The following ATOSA variants were observed in gnomAD, a reference collection of about 807,000 sequenced individuals.
ATOSA encodes atos homolog protein A.
the ATOSA span, among the ~76,000 whole-genome samples, chr15:52,634,329 G>A: frequency 6.6e-6 from 1 of 152,044 alleles, no homozygotes. Context: ...TACTTGGGAG[G>A]CTGAGACAGA....
the ATOSA span, among the ~76,000 whole-genome samples, chr15:52,695,206 T>C: frequency 1.3e-5 from 2 of 152,208 alleles, no homozygotes; most frequent in African/African-American, 4.8e-5. Flanking sequence ...ATTACAGATG[T>C]GAGCCACCAT....
chr15:52,609,685 C>T, the ATOSA span: 116 of 1,613,582 alleles, frequency 7.2e-5, no homozygotes, highest in East Asian at 2.4e-3. Context: ...TTGTGAAACC[C>T]GGAAAAGTTT....
the ATOSA span, among the ~76,000 whole-genome samples, chr15:52,607,875 G>GT: frequency 2.0e-5 from 3 of 151,950 alleles, no homozygotes; most frequent in African/African-American, 7.3e-5. Flanking sequence ...TGGTTGGTTG[G>GT]TTTTTTTCTG....
the ATOSA span, among the ~76,000 whole-genome samples, chr15:52,607,826 A>C: frequency 6.6e-6 from 1 of 152,186 alleles, no homozygotes; most frequent in Non-Finnish European, 1.5e-5. Flanking sequence ...TTCTCTTGAA[A>C]TTACAAATCA....
At chr15:52,584,685 A>G in the ATOSA span, 1 of 1,483,708 alleles carries the variant, frequency 6.7e-7, no homozygotes, top group East Asian at 2.4e-5. Flanking sequence ...TTTAAAAAAA[A>G]AAACTAAAAA....
chr15:52,586,375 T>G, the ATOSA span: 1 of 152,176 alleles, frequency 6.6e-6, no homozygotes. Flanking sequence ...GTAAAAGTGA[T>G]CTGACAAAGT....
the ATOSA span, among the ~76,000 whole-genome samples, chr15:52,615,334 T>C: frequency 1.3e-5 from 2 of 152,240 alleles, no homozygotes; most frequent in African/African-American, 4.8e-5. Context: ...AAGTTGAACA[T>C]TCATACACAA....
the ATOSA span, among the ~76,000 whole-genome samples, chr15:52,681,378 G>A: frequency 2.6e-5 from 4 of 152,136 alleles, no homozygotes; most frequent in Non-Finnish European, 5.9e-5. Context: ...TACTTTCAAG[G>A]AGCTTATAGT....
chr15:52,689,146 C>T, the ATOSA span, among the ~76,000 whole-genome samples: 3 of 152,016 alleles, frequency 2.0e-5, no homozygotes, highest in Non-Finnish European at 4.4e-5. Flanking sequence ...CGGTGTGTGC[C>T]AGCAAAATCC....
At chr15:52,679,987 C>G in the ATOSA span, among the ~76,000 whole-genome samples, 1 of 151,258 alleles carries the variant, frequency 6.6e-6, no homozygotes, top group African/African-American at 2.4e-5. Context: ...CCACCCCCAC[C>G]CTAGATTTTC....
the ATOSA span, among the ~76,000 whole-genome samples, chr15:52,708,703 G>T: frequency 6.6e-6 from 1 of 151,580 alleles, no homozygotes; most frequent in Admixed American, 6.6e-5. Context: ...GTTCCAGTTG[G>T]TCAAAAACAA....
the ATOSA span, among the ~76,000 whole-genome samples, chr15:52,616,500 G>C: frequency 2.0e-5 from 3 of 152,290 alleles, no homozygotes; most frequent in Admixed American, 1.3e-4. Flanking sequence ...TTGGGAGGCT[G>C]AGGCAAGAGA....
chr15:52,649,836 T>C, the ATOSA span: 2 of 152,168 alleles, frequency 1.3e-5, no homozygotes, highest in African/African-American at 4.8e-5. Flanking sequence ...ATATAAAACA[T>C]TTTTAGGTGC....
the ATOSA span, chr15:52,658,755 A>T: frequency 3.0e-6 from 1 of 335,786 alleles, no homozygotes. Flanking sequence ...GCTTGAGGAC[A>T]TGAGTTTAAG....
the ATOSA span, among the ~76,000 whole-genome samples, chr15:52,599,040 G>A: frequency 6.6e-6 from 1 of 152,178 alleles, no homozygotes; most frequent in African/African-American, 2.4e-5. Flanking sequence ...CATGCTTCAT[G>A]TAAAGCCTGC....
the ATOSA span, among the ~76,000 whole-genome samples, chr15:52,635,163 G>T: frequency 1.3e-5 from 2 of 152,108 alleles, no homozygotes; most frequent in Non-Finnish European, 2.9e-5. Flanking sequence ...AAGACCAATG[G>T]AATTTTAAGG....
the ATOSA span, among the ~76,000 whole-genome samples, chr15:52,638,295 A>C: frequency 6.6e-6 from 1 of 152,230 alleles, no homozygotes; most frequent in Non-Finnish European, 1.5e-5. Context: ...TATTTAAGAA[A>C]CATCTATATA....
At chr15:52,693,615 A>G in the ATOSA span, among the ~76,000 whole-genome samples, 1 of 152,226 alleles carries the variant, frequency 6.6e-6, no homozygotes, top group Admixed American at 6.5e-5. Context: ...AATTAAAAAA[A>G]TTAAAGACCT....
At chr15:52,615,427 T>C in the ATOSA span, among the ~76,000 whole-genome samples, 16 of 152,326 alleles carry the variant, frequency 1.1e-4, no homozygotes, top group African/African-American at 3.8e-4. Flanking sequence ...AACAAATATT[T>C]CAAGTGCCTA....
Sources: gnomAD v4.1 joint callset for allele counts (sites outside exome capture counted in the v4.1 genomes callset) on GRCh38, gnomAD v4.1.1 for gene constraint, MANE v1.5 for transcripts, NCBI Gene and HGNC (gene_info 2026-07-23, HGNC 2026-07-21) for gene names.